TRMT6: variants seen among roughly 807,000 people sequenced by gnomAD.
The protein encoded by TRMT6 is tRNA (adenine(58)-N(1))-methyltransferase non-catalytic subunit TRM6.
Under a neutral mutation model 59.0 loss-of-function variants are expected in TRMT6, and 34 were observed. The ratio of observed to expected loss-of-function variants is 0.58; its 90% CI spans 0.44 to 0.77. The LOEUF (loss-of-function observed/expected upper bound fraction) is 0.77. Ranked by LOEUF, TRMT6 falls within the 30% of genes least tolerant of loss-of-function variation. The pLI is 0.00. For missense variants in TRMT6, 575 were observed against 604.5 expected (o/e 0.95, Z 0.51); for synonymous variants, 217 against 210.5 (o/e 1.03, Z -0.27).
At position 5,938,679 on chromosome 20, in the gene TRMT6, C is replaced by G. The variant is rs1030380618; in HGVS notation, c.1350G>C (p.Gly450=). Reference sequence around the variant, plus strand: ...CGGTGAAGCCGGAGAGAAGATAACCCCCACCTCCACTCATCAGCAGTTTAG... The same window carrying G: ...CGGTGAAGCCGGAGAGAAGATAACCGCCACCTCCACTCATCAGCAGTTTAG... ...SHPKLLMSGG[G]GYLLSGFTVA... is the part of the protein sequence containing the mutation. The change falls in exon 11 of 11, where the codon GGG becomes GGC. Residue 450 remains glycine, a synonymous_variant. Transcript: ENST00000203001. 1 of 1,614,128 alleles carries G rather than the reference C, an allele frequency of 6.2e-7. No homozygotes were observed. The highest frequency in any genetic ancestry group is 1.7e-5 in the Admixed American group (1 of 60,020).
intron 1 of TRMT6, among the ~76,000 whole-genome samples, chr20:5,947,867 G>A (rs986110258): frequency 6.6e-6 from 1 of 151,924 alleles, no homozygotes; most frequent in African/African-American, 2.4e-5. Context: ...CCTGGCTGAC[G>A]GGGAAAAACT....
At position 5,941,276 on chromosome 20, in the gene TRMT6, T is replaced by G. The variant is rs769223522; in HGVS notation, c.1182A>C (p.Ser394=). The change falls in exon 9 of 11, where the codon TCA becomes TCC. Residue 394 remains serine (S), a synonymous_variant. Coordinates refer to ENST00000203001, the MANE Select transcript of TRMT6 (RefSeq NM_015939.5). ...ACTGACAGTAGACCACAAACGGCCT[T>G]GAAGGGGCCACAAAGTCCAGCAAAG... ...LLSLLDFVAP[S]RPFVVYCQYK... 9.0e-5 allele frequency: 146 copies of G among 1,614,034 alleles called. No individual in the cohort carries two copies. Among genetic ancestry groups the G allele is most frequent in the Non-Finnish European group, 1.1e-4 (126 of 1,180,010 alleles).
chr20:5,943,427 G>A (rs774782317), intron 6 of TRMT6, 132 bp downstream of exon 6: 72 of 1,199,230 alleles, frequency 6.0e-5, no homozygotes, highest in Non-Finnish European at 8.5e-5. Context: ...GCTAGGAGCC[G>A]TGCAGGTTCA....
intron 10 of TRMT6, among the ~76,000 whole-genome samples, chr20:5,939,469 G>T (rs1301256618): frequency 1.4e-5 from 2 of 146,362 alleles, no homozygotes; most frequent in Non-Finnish European, 3.0e-5. Flanking sequence ...GACAGAGCGA[G>T]ACTCTGTCTC....
At chr20:5,948,815 CT>C (rs200111465) in intron 1 of TRMT6, among the ~76,000 whole-genome samples, 1,888 of 152,228 alleles carry the variant, frequency 0.012, 15 homozygotes, top group Middle Eastern at 0.031. Context: ...TAAATTAGTG[CT>C]TGTGCAAAAA....
At chr20:5,943,506 C>A in intron 6 of TRMT6, 53 bp downstream of exon 6, 1 of 1,606,864 alleles carries the variant, frequency 6.2e-7, no homozygotes, top group Non-Finnish European at 8.5e-7. Flanking sequence ...TTTGGACCAC[C>A]TTTACTCACA....
At chr20:5,949,671 A>T (rs2088758338) in intron 1 of TRMT6, among the ~76,000 whole-genome samples, 1 of 152,204 alleles carries the variant, frequency 6.6e-6, no homozygotes, top group Non-Finnish European at 1.5e-5. Context: ...TGTCTCCTTC[A>T]TCTATTCTGT....
At position 5,938,196 on chromosome 20, in the gene TRMT6, T is replaced by C. The variant is rs1324353351; in HGVS notation, c.*339A>G. On this transcript the variant is annotated 3_prime_UTR_variant, in exon 11 of 11. Transcript: ENST00000203001. ...CGGTACCCGCCATGTTTTAGTTACG[T>C]TGTATTATTCCACTTAGCTTAAAAT... The C allele has an allele frequency of 1.6e-5, 3 of 186,980 alleles. No homozygotes were observed. Among genetic ancestry groups the C allele is most frequent in the Non-Finnish European group, 3.3e-5 (3 of 90,794 alleles). The allele number at this position is 186,980 out of a possible 1,614,324, so 11.6% of individuals were successfully genotyped here. A position where few individuals can be genotyped will look rare whatever the true frequency, so the allele number is the denominator to read the frequency against.
chr20:5,944,822 T>C lies in TRMT6; in HGVS notation c.349A>G (p.Lys117Glu). ...TQDDIKALKD[K>E]GIKGEEIVQQ... is the part of the protein sequence containing the mutation. Reference sequence around the variant, plus strand: ...AATATTACCTCTCCTTTAATGCCCTTGTCCTTCAAAGCTTTTATGTCATCT... The same window carrying C: ...AATATTACCTCTCCTTTAATGCCCTCGTCCTTCAAAGCTTTTATGTCATCT... The change falls in exon 3 of 11, where the codon AAG (lysine) becomes GAG (glutamate). Residue 117 changes from lysine to glutamate, a missense_variant. Transcript: ENST00000203001. 1.2e-6 allele frequency: 2 copies of C among 1,613,284 alleles called. No individual in the cohort carries two copies. The highest frequency in any genetic ancestry group is 1.7e-6 in the Non-Finnish European group (2 of 1,179,260).
At chr20:5,940,280 A>G (rs565248047) in intron 10 of TRMT6, among the ~76,000 whole-genome samples, 7 of 152,280 alleles carry the variant, frequency 4.6e-5, no homozygotes, top group African/African-American at 1.4e-4. Context: ...CTTCCATCTT[A>G]GCATATGTCT....
chr20:5,947,881 T>C (rs996176704), intron 1 of TRMT6, among the ~76,000 whole-genome samples: 2 of 152,052 alleles, frequency 1.3e-5, no homozygotes, highest in African/African-American at 2.4e-5. Context: ...AAAAACTCCG[T>C]CTCTACAAAA....
At chr20:5,942,332 G>T in intron 7 of TRMT6, 96 bp downstream of exon 7, 1 of 1,064,976 alleles carries the variant, frequency 9.4e-7, no homozygotes, top group Non-Finnish European at 1.4e-6. Flanking sequence ...CATCTTGGGA[G>T]CTAATACACC....
chr20:5,941,078 G>C lies in TRMT6; in HGVS notation c.1277C>G (p.Ser426Cys). Residue 426 changes from serine to cysteine, a missense_variant, in exon 10 of 11, where the codon TCT (serine) becomes TGT (cysteine). Coordinates refer to ENST00000203001, the MANE Select transcript of TRMT6 (RefSeq NM_015939.5). ...CTGATAATTTCTGAGCCAGGTTTCA[G>C]ACAGCCTGAGGTTGATGACCCCTCC... Reference protein sequence around the residue: ...ERGGVINLRLSETWLRNYQVL... With the variant: ...ERGGVINLRLCETWLRNYQVL... The C allele has an allele frequency of 6.2e-7, 1 of 1,614,156 alleles. No individual in the cohort carries two copies. The highest frequency in any genetic ancestry group is 8.5e-7 in the Non-Finnish European group (1 of 1,180,002).
Position 5,944,856 on chromosome 20 carries a change from T to C in TRMT6, c.315A>G (p.Lys105=). The C allele has an allele frequency of 6.2e-7, 1 of 1,614,158 alleles. No individual in the cohort carries two copies. Among genetic ancestry groups the C allele is most frequent in the Non-Finnish European group, 8.5e-7 (1 of 1,180,000 alleles). Residue 105 remains lysine (K), a synonymous_variant, in exon 3 of 11, where the codon AAA becomes AAG. Transcript: ENST00000203001. The part of the protein sequence containing the change: ...RNIVDDGKSQ[K]LTQDDIKALK... ...AAGCTTTTATGTCATCTTGAGTAAG[T>C]TTCTGAGATTTCCCATCATCAACTA...
At chr20:5,946,111 C>A (rs911550076) in intron 2 of TRMT6, among the ~76,000 whole-genome samples, 2 of 152,216 alleles carry the variant, frequency 1.3e-5, no homozygotes, top group Admixed American at 1.3e-4. Context: ...TACATAACTT[C>A]TGGGCACTGA....
rs544190283 is a variant in TRMT6 at position 5,942,742 on chromosome 20, G to C, written c.712C>G (p.Arg238Gly). The change falls in exon 7 of 11, where the codon CGG (arginine) becomes GGG (glycine). Residue 238 changes from arginine (R) to glycine (G), a missense_variant. Transcript: ENST00000203001. ...IQLYPGGGPVRAATACFGFPK... is the reference protein window; with the variant it reads ...IQLYPGGGPVGAATACFGFPK... ...AATCCAAAACATGCTGTTGCTGCCCGAACAGGTCCTCCTCCAGGGTATAGC... is the reference window on the plus strand; with the variant it reads ...AATCCAAAACATGCTGTTGCTGCCCCAACAGGTCCTCCTCCAGGGTATAGC... 9 of 1,614,008 alleles carry C rather than the reference G, an allele frequency of 5.6e-6. No homozygotes were observed. The South Asian group carries it at 8.8e-5, about 16-fold the overall frequency.
rs149326778 is a variant in TRMT6, at chr20:5,941,669, G to A, written c.1112+282C>T. 1.0e-3 allele frequency: 535 copies of A among 535,052 alleles called. 4 individuals carry two copies. Among genetic ancestry groups the A allele is most frequent in the South Asian group, 5.0e-3 (192 of 38,152 alleles). 33.1% of individuals were successfully genotyped at this position (535,052 alleles called of 1,614,324 possible). A position where few individuals can be genotyped will look rare whatever the true frequency, so the allele number is the denominator to read the frequency against. Reference sequence around the variant, plus strand: ...GTGGATATCTGTTATAGCCTGTATCGCAGCATTTGAGTGCCCCATCCCCTG... The same window carrying A: ...GTGGATATCTGTTATAGCCTGTATCACAGCATTTGAGTGCCCCATCCCCTG... On this transcript the variant is annotated intron_variant, in intron 8 of 10. Transcript: ENST00000203001.
rs369687567 is a variant in TRMT6 at position 5,948,920 on chromosome 20, A to G, written c.128+1358T>C. Among the ~76,000 whole-genome samples, 97 of 152,340 alleles carry G rather than the reference A, an allele frequency of 6.4e-4. 1 individual carries two copies. The South Asian group carries it at 0.019, about 31-fold the overall frequency. Reference sequence around the variant, plus strand: ...TTAAATACCAGTCAACAGTTTGCTTAAACCAGGAGTAAAAGAATTCATCTG... The same window carrying G: ...TTAAATACCAGTCAACAGTTTGCTTGAACCAGGAGTAAAAGAATTCATCTG... On this transcript the variant is annotated intron_variant, in intron 1 of 10. Transcript: ENST00000203001.
At chr20:5,944,687 T>C (rs776859211) in intron 3 of TRMT6, 118 bp downstream of exon 3, 10 of 664,624 alleles carry the variant, frequency 1.5e-5, no homozygotes, top group Admixed American at 2.8e-5. Context: ...AACCTATTTC[T>C]ATCAAAGCTA....
Sources: gnomAD v4.1 joint callset for allele counts (sites outside exome capture counted in the v4.1 genomes callset) on GRCh38, gnomAD v4.1.1 for gene constraint, MANE v1.5 for transcripts, NCBI Gene and HGNC (gene_info 2026-07-23, HGNC 2026-07-21) for gene names.